Variants in CLEC4A observed in about 807,000 individuals in gnomAD.
The protein encoded by CLEC4A is C-type (calcium dependent, carbohydrate-recognition domain) lectin, superfamily member 6.
A neutral mutation model predicts 32.7 loss-of-function variants in CLEC4A; 27 were observed. The ratio of observed to expected loss-of-function variants is 0.83; its 90% CI spans 0.61 to 1.14. The LOEUF (loss-of-function observed/expected upper bound fraction) is 1.14. CLEC4A is among the 50% of genes most tolerant of loss of function. The pLI, the probability that CLEC4A is intolerant of heterozygous loss-of-function variation, is 0.00. For missense variants in CLEC4A, 253 were observed against 274.6 expected (o/e 0.92, Z 0.55); for synonymous variants, 89 against 93.7 (o/e 0.95, Z 0.29).
At chr12:8,122,788 G>C (rs1947845383), upstream of CLEC4A, among the ~76,000 whole-genome samples, 1 of 152,060 alleles carries the variant, frequency 6.6e-6, no homozygotes, top group Non-Finnish European at 1.5e-5. Context: ...TTTAGATATA[G>C]AAATAATATA....
Position 8,138,508 on chromosome 12 carries a change from G to T in CLEC4A, c.*221G>T, listed in dbSNP as rs11043532. 8 of 481,706 alleles carry T rather than the reference G, an allele frequency of 1.7e-5. 1 individual carries two copies. The highest frequency in any genetic ancestry group is 7.9e-5 in the Admixed American group (2 of 25,470). 29.8% of individuals were successfully genotyped at this position (481,706 alleles called of 1,614,324 possible). On this transcript the variant is annotated 3_prime_UTR_variant, in exon 6 of 6. Coordinates refer to ENST00000229332, the MANE Select transcript of CLEC4A (RefSeq NM_016184.4). Reference sequence around the variant, plus strand: ...TCATGTGCCAGAGCCTGTACTGGAGGCCCCCATTGTGCACACATGGAGAGA... The same window carrying T: ...TCATGTGCCAGAGCCTGTACTGGAGTCCCCCATTGTGCACACATGGAGAGA...
chr12:8,135,475 G>A lies in CLEC4A; in HGVS notation c.299-110G>A, dbSNP rs868274239. On this transcript the variant is annotated intron_variant, in intron 3 of 5. Transcript: ENST00000229332. ...GCTCCTGGTTGCATCTGAGTGTGGAGGGGAGTTCCAGCTTCCATGTGCTCT... is the reference window on the plus strand; with the variant it reads ...GCTCCTGGTTGCATCTGAGTGTGGAAGGGAGTTCCAGCTTCCATGTGCTCT... 6.8e-5 allele frequency: 75 copies of A among 1,104,138 alleles called. 1 individual carries two copies. The South Asian group carries it at 1.2e-3, about 17-fold the overall frequency. The allele number at this position is 1,104,138 out of a possible 1,614,324, so 68.4% of individuals were successfully genotyped here.
At chr12:8,103,175 C>T in the CLEC4A span, among the ~76,000 whole-genome samples, 3 of 152,010 alleles carry the variant, frequency 2.0e-5, no homozygotes, top group African/African-American at 7.3e-5. Context: ...TCTAATTCAG[C>T]TTACATGTTA....
rs1053800274 is a variant in CLEC4A, at chr12:8,138,402, A to T, written c.*115A>T. On this transcript the variant is annotated 3_prime_UTR_variant, in exon 6 of 6. Transcript: ENST00000229332. ...GTCCATAGAATTTAGGTGGTCTGTC[A>T]ACTATTCTACTTATGAGAGAATTGG... 7 of 1,236,998 alleles carry T rather than the reference A, an allele frequency of 5.7e-6. No individual in the cohort carries two copies. In the African/African-American group the frequency reaches 1.1e-4, roughly 19 times the overall value. The allele number at this position is 1,236,998 out of a possible 1,614,324, so 76.6% of individuals were successfully genotyped here. A position where few individuals can be genotyped will look rare whatever the true frequency, so the allele number is the denominator to read the frequency against.
chr12:8,115,339 A>G, the CLEC4A span, among the ~76,000 whole-genome samples: 2 of 152,160 alleles, frequency 1.3e-5, no homozygotes, highest in African/African-American at 4.8e-5. Flanking sequence ...TAAAACACCA[A>G]TTTTTGGGCC....
At chr12:8,103,803 C>T in the CLEC4A span, among the ~76,000 whole-genome samples, 6 of 152,142 alleles carry the variant, frequency 3.9e-5, no homozygotes, top group African/African-American at 7.2e-5. Flanking sequence ...GTGTAATGCT[C>T]GCCCAAATAC....
At chr12:8,132,644 T>C (rs1378467643) in intron 3 of CLEC4A, among the ~76,000 whole-genome samples, 1 of 152,170 alleles carries the variant, frequency 6.6e-6, no homozygotes, top group African/African-American at 2.4e-5. Flanking sequence ...TAAATGTGGA[T>C]TGGATCCTTG....
At chr12:8,133,928 G>C in intron 3 of CLEC4A, 2 of 1,604,584 alleles carry the variant, frequency 1.2e-6, no homozygotes, top group Non-Finnish European at 1.7e-6. Context: ...AAAGGACACT[G>C]GTCCCCCTGA....
chr12:8,103,373 G>GGTTTTT, the CLEC4A span, among the ~76,000 whole-genome samples: 5 of 78,036 alleles, frequency 6.4e-5, no homozygotes, highest in African/African-American at 1.1e-4. Context: ...GTTTCTTTCT[G>GGTTTTT]TTGTTTTTTT....
intron 3 of CLEC4A, chr12:8,134,308 C>T (rs771078989): frequency 6.2e-7 from 1 of 1,611,918 alleles, no homozygotes; most frequent in Non-Finnish European, 8.5e-7. Context: ...GGCAGATGGT[C>T]GTTTGGCTGA....
chr12:8,134,979 G>GTTTTTGTTT (rs1948073970), intron 3 of CLEC4A: 3 of 166,034 alleles, frequency 1.8e-5, no homozygotes, highest in South Asian at 4.0e-4. Context: ...AAGCGTTTTT[G>GTTTTTGTTT]TTTTTTGTTT....
chr12:8,133,276 C>A (rs975675199), intron 3 of CLEC4A, among the ~76,000 whole-genome samples: 7 of 152,004 alleles, frequency 4.6e-5, no homozygotes, highest in African/African-American at 7.2e-5. Flanking sequence ...GTCTAGAACT[C>A]CCGACCACAG....
At chr12:8,120,485 T>C (rs78209206), upstream of CLEC4A, among the ~76,000 whole-genome samples, 4,017 of 152,238 alleles carry the variant, frequency 0.026, 171 homozygotes, top group African/African-American at 0.092. Context: ...CTTTATTACC[T>C]AGGTTAACTG....
rs1015078444 is a variant in CLEC4A, at chr12:8,129,883, T to C, written c.298+521T>C. 3.9e-5 allele frequency among the ~76,000 whole-genome samples: 6 copies of C among 152,330 alleles called. No homozygotes were observed. The East Asian group carries it at 1.2e-3, about 29-fold the overall frequency. ...CAGGGTCTCACTTTGTTGCCCAGGCTAGAGTGCAGTAGTGCGAACATGGCT... is the reference window on the plus strand; with the variant it reads ...CAGGGTCTCACTTTGTTGCCCAGGCCAGAGTGCAGTAGTGCGAACATGGCT... On this transcript the variant is annotated intron_variant, in intron 3 of 5. Transcript: ENST00000229332.
chr12:8,114,390 G>A, the CLEC4A span, among the ~76,000 whole-genome samples: 42 of 151,960 alleles, frequency 2.8e-4, no homozygotes, highest in Non-Finnish European at 5.4e-4. Context: ...GACCACAGGC[G>A]CCCGCCACCA....
chr12:8,104,869 T>G, the CLEC4A span, among the ~76,000 whole-genome samples: 2 of 152,204 alleles, frequency 1.3e-5, no homozygotes, highest in African/African-American at 4.8e-5. Flanking sequence ...GTTTATGGCC[T>G]CCAGCTCTAT....
At chr12:8,119,894 A>T (rs2120552150), upstream of CLEC4A, among the ~76,000 whole-genome samples, 1 of 152,304 alleles carries the variant, frequency 6.6e-6, no homozygotes. Context: ...GGGGTTTCCC[A>T]TGATCCCTTC....
chr12:8,135,768 C>G (rs1302545127), intron 4 of CLEC4A, 32 bp downstream of exon 4: 1 of 1,604,716 alleles, frequency 6.2e-7, no homozygotes, highest in Non-Finnish European at 8.5e-7. Flanking sequence ...GGCTGTGAGC[C>G]CTGCCTGATC....
the CLEC4A span, among the ~76,000 whole-genome samples, chr12:8,114,534 G>A: frequency 3.3e-5 from 5 of 152,106 alleles, no homozygotes; most frequent in Non-Finnish European, 7.4e-5. Context: ...GTGAGCCACC[G>A]CGCCCGGCCA....
Sources: gnomAD v4.1 joint callset for allele counts (sites outside exome capture counted in the v4.1 genomes callset) on GRCh38, gnomAD v4.1.1 for gene constraint, MANE v1.5 for transcripts, NCBI Gene and HGNC (gene_info 2026-07-23, HGNC 2026-07-21) for gene names.